The following RAPGEF5 variants were observed in gnomAD, a reference collection of about 807,000 sequenced individuals.
RAPGEF5 encodes the protein Rap guanine nucleotide exchange factor 5, also known as M-Ras-regulated GEF.
RAPGEF5 carries 65 observed loss-of-function variants against 125.2 expected under a neutral mutation model. The ratio of observed to expected loss-of-function variants is 0.52; its 90% CI spans 0.43 to 0.64. The LOEUF (loss-of-function observed/expected upper bound fraction) is 0.64. Among genes scored for constraint, RAPGEF5 ranks in the 30% least tolerant of loss-of-function variants. RAPGEF5 has a pLI of 0.00. For missense variants in RAPGEF5, 958 were observed against 1,048.1 expected (o/e 0.91, Z 1.19); for synonymous variants, 391 against 385.9 (o/e 1.01, Z -0.16).
At chr7:22,258,713 T>C (rs1468328310) in intron 7 of RAPGEF5, among the ~76,000 whole-genome samples, 2 of 150,318 alleles carry the variant, frequency 1.3e-5, no homozygotes, top group Non-Finnish European at 3.0e-5. Flanking sequence ...ATATAGTCAA[T>C]TGATCTTTGA....
At chr7:22,299,762 A>G (rs1011334150) in intron 5 of RAPGEF5, among the ~76,000 whole-genome samples, 5 of 152,122 alleles carry the variant, frequency 3.3e-5, no homozygotes, top group African/African-American at 1.2e-4. Flanking sequence ...GAGGATTGAC[A>G]GTTCTTTCTC....
Position 22,179,619 on chromosome 7 carries a change from C to T in RAPGEF5, c.1205-12471G>A, listed in dbSNP as rs1001310512. Among the ~76,000 whole-genome samples, 11 of 152,280 alleles carry T rather than the reference C, an allele frequency of 7.2e-5. No homozygotes were observed. The Middle Eastern group carries it at 0.014, about 190-fold the overall frequency. Reference sequence around the variant, plus strand: ...TCCTAAACCACAGGGTGAGATAGTACGTCTGCACAAGGTACAGGTCACAAA... The same window carrying T: ...TCCTAAACCACAGGGTGAGATAGTATGTCTGCACAAGGTACAGGTCACAAA... On this transcript the variant is annotated intron_variant, in intron 11 of 25. Coordinates refer to ENST00000665637, the MANE Select transcript of RAPGEF5 (RefSeq NM_012294.5).
intron 23 of RAPGEF5, among the ~76,000 whole-genome samples, chr7:22,132,851 GTAAGGCTATGAAGAAAC>G (rs1782957311): frequency 6.6e-6 from 1 of 152,160 alleles, no homozygotes. Context: ...ATTCTAGGAG[GTAAGGCTATGAAGAAAC>G]TAAGGCCCCA....
chr7:22,140,167 G>C, intron 20 of RAPGEF5, 52 bp from the exon 21 acceptor site: 1 of 1,466,836 alleles, frequency 6.8e-7, no homozygotes, highest in Non-Finnish European at 9.3e-7. Context: ...TCTTTCCCCA[G>C]ATAATCACAA....
At chr7:22,155,185 C>T (rs772677343) in intron 16 of RAPGEF5, among the ~76,000 whole-genome samples, 1 of 152,192 alleles carries the variant, frequency 6.6e-6, no homozygotes, top group Non-Finnish European at 1.5e-5. Context: ...CTCCATTTCT[C>T]CCATCAAGGT....
Position 22,156,807 on chromosome 7 carries a change from C to G in RAPGEF5, c.1636+3G>C, listed in dbSNP as rs776156747. 6.2e-7 allele frequency: 1 copy of G among 1,613,920 alleles called. No individual in the cohort carries two copies. The highest frequency in any genetic ancestry group is 1.7e-5 in the Admixed American group (1 of 60,012). On this transcript the variant is annotated splice_donor_region_variant and intron_variant, in intron 16 of 25. Coordinates refer to ENST00000665637, the MANE Select transcript of RAPGEF5 (RefSeq NM_012294.5). Reference sequence around the variant, plus strand: ...CCAAACCCTCACTTCAAACCATACTCACTTTCCTCCGTTTCAGTCACAGTT... The same window carrying G: ...CCAAACCCTCACTTCAAACCATACTGACTTTCCTCCGTTTCAGTCACAGTT...
intron 1 of RAPGEF5, among the ~76,000 whole-genome samples, chr7:22,326,124 T>C (rs1489854058): frequency 1.3e-5 from 2 of 151,958 alleles, no homozygotes; most frequent in Non-Finnish European, 2.9e-5. Context: ...ACATAGATTT[T>C]TGAAAGCTGC....
intron 7 of RAPGEF5, among the ~76,000 whole-genome samples, chr7:22,239,917 G>A (rs1562777377): frequency 6.6e-6 from 1 of 150,796 alleles, no homozygotes; most frequent in African/African-American, 2.4e-5. Flanking sequence ...TGGAAAAAAG[G>A]TTTTTTTTTG....
intron 8 of RAPGEF5, among the ~76,000 whole-genome samples, chr7:22,220,884 C>A (rs1785769738): frequency 6.6e-6 from 1 of 152,128 alleles, no homozygotes; most frequent in South Asian, 2.1e-4. Flanking sequence ...TCAACATAAC[C>A]TACAGGATTT....
chr7:22,291,377 G>A (rs1782932015), intron 5 of RAPGEF5, 136 bp from the exon 6 acceptor site: 1 of 1,360,620 alleles, frequency 7.3e-7, no homozygotes, highest in Non-Finnish European at 9.7e-7. Context: ...AACAAAGGTT[G>A]TGACAGTAAC....
At chr7:22,203,010 T>C in intron 9 of RAPGEF5, 1 of 236,288 alleles carries the variant, frequency 4.2e-6, no homozygotes, top group Non-Finnish European at 9.0e-6. Flanking sequence ...TGTATCAGGG[T>C]CTTGCTATGA....
At chr7:22,343,886 T>C (rs1249855960) in intron 1 of RAPGEF5, among the ~76,000 whole-genome samples, 3 of 151,970 alleles carry the variant, frequency 2.0e-5, no homozygotes, top group Non-Finnish European at 4.4e-5. Flanking sequence ...AAGCTGACGA[T>C]GCTGAGGGTG....
chr7:22,216,367 G>A (rs1475662516), intron 9 of RAPGEF5, among the ~76,000 whole-genome samples: 1 of 152,136 alleles, frequency 6.6e-6, no homozygotes. Flanking sequence ...CTTTCATAAT[G>A]GAATTTTAGG....
At chr7:22,143,708 C>A (rs138703265) in intron 20 of RAPGEF5, among the ~76,000 whole-genome samples, 2 of 152,340 alleles carry the variant, frequency 1.3e-5, no homozygotes, top group East Asian at 3.9e-4. Context: ...CCTTCACCAA[C>A]GTTTTCCTGA....
At chr7:22,313,764 T>C (rs1001248025) in intron 3 of RAPGEF5, among the ~76,000 whole-genome samples, 2 of 152,262 alleles carry the variant, frequency 1.3e-5, no homozygotes, top group Admixed American at 6.5e-5. Flanking sequence ...ACTCAAAGAC[T>C]TACACATATA....
chr7:22,216,596 A>G (rs551205576), intron 9 of RAPGEF5, among the ~76,000 whole-genome samples: 1 of 152,212 alleles, frequency 6.6e-6, no homozygotes, highest in Non-Finnish European at 1.5e-5. Flanking sequence ...CAATGCCTAC[A>G]TCAGAGATAA....
At chr7:22,346,418 T>C (rs1039990248) in intron 1 of RAPGEF5, among the ~76,000 whole-genome samples, 3 of 152,302 alleles carry the variant, frequency 2.0e-5, no homozygotes, top group Admixed American at 6.5e-5. Flanking sequence ...TTCATTCCTA[T>C]GTACAAATTC....
In RAPGEF5 at chr7:22,136,972, C is replaced by T. The variant is rs1783099061; in HGVS notation, c.2289G>A (p.Gly763=). 1.3e-6 allele frequency: 2 copies of T among 1,583,286 alleles called. No individual in the cohort carries two copies. Among genetic ancestry groups the T allele is most frequent in the Non-Finnish European group, 1.7e-6 (2 of 1,160,802 alleles). ...RLSQTWEKIP[G]KFKKLFSELE... ...GTTCAGAGAAAAGTTTCTTAAACTTCCCAGGGATTTTCTAAAAAACAAACA... is the reference window on the plus strand; with the variant it reads ...GTTCAGAGAAAAGTTTCTTAAACTTTCCAGGGATTTTCTAAAAAACAAACA... The change falls in exon 22 of 26, where the codon GGG becomes GGA. Residue 763 remains glycine, a synonymous_variant. Coordinates refer to ENST00000665637, the MANE Select transcript of RAPGEF5 (RefSeq NM_012294.5).
chr7:22,125,414 G>A, intron 25 of RAPGEF5, 190 bp downstream of exon 25: 1 of 545,410 alleles, frequency 1.8e-6, no homozygotes, highest in Non-Finnish European at 3.3e-6. Context: ...GCCATATCTT[G>A]TCTTCCTCTG....
Sources: allele counts gnomAD v4.1 joint callset (sites outside exome capture counted in the v4.1 genomes callset), GRCh38; gene constraint gnomAD v4.1.1; transcripts MANE v1.5; gene names NCBI Gene and HGNC (gene_info 2026-07-23, HGNC 2026-07-21).